Variants in DIP2B observed in about 807,000 individuals in gnomAD.
DIP2B encodes disco-interacting protein 2 homolog B.
DIP2B carries 76 observed loss-of-function variants against 198.0 expected under a neutral mutation model. The ratio of observed to expected loss-of-function variants is 0.38; its 90% CI spans 0.32 to 0.46. The LOEUF is 0.46. Among genes scored for constraint, DIP2B ranks in the 20% least tolerant of loss-of-function variants. The pLI is 0.99. For synonymous variants in DIP2B, 701 were observed against 739.1 expected, an observed-to-expected ratio of 0.95 and a Z score of 0.84; for missense variants, 1,559 against 1,978.4, an observed-to-expected ratio of 0.79 and a Z score of 4.02.
intron 1 of DIP2B, among the ~76,000 whole-genome samples, chr12:50,550,281 T>C (rs900153842): frequency 3.3e-5 from 5 of 152,190 alleles, no homozygotes; most frequent in Non-Finnish European, 5.9e-5. Context: ...ATTTTGAAAA[T>C]TGAAGCTTCC....
intron 37 of DIP2B, 98 bp from the exon 38 acceptor site, chr12:50,744,489 G>A: frequency 6.5e-7 from 1 of 1,530,652 alleles, no homozygotes; most frequent in Admixed American, 1.8e-5. Flanking sequence ...TGGGATTGAG[G>A]GGAGAAGGCG....
At chr12:50,699,604 T>C (rs948671082) in intron 19 of DIP2B, among the ~76,000 whole-genome samples, 1 of 151,790 alleles carries the variant, frequency 6.6e-6, no homozygotes, top group Non-Finnish European at 1.5e-5. Flanking sequence ...CCTTTGGAGG[T>C]TGAGGCGGAA....
intron 3 of DIP2B, among the ~76,000 whole-genome samples, chr12:50,652,969 G>T: frequency 6.6e-6 from 1 of 151,070 alleles, no homozygotes. Context: ...AAAGAAACGG[G>T]GTCTCCCTCT....
chr12:50,647,404 G>T (rs1406892712), intron 3 of DIP2B, among the ~76,000 whole-genome samples: 3 of 152,116 alleles, frequency 2.0e-5, no homozygotes, highest in African/African-American at 7.2e-5. Flanking sequence ...TAATTATTTG[G>T]ATATTCCAGG....
At chr12:50,603,950 C>T (rs1171644434) in intron 1 of DIP2B, among the ~76,000 whole-genome samples, 2 of 151,984 alleles carry the variant, frequency 1.3e-5, no homozygotes, top group African/African-American at 4.8e-5. Context: ...TGGCCTGGTT[C>T]CAGGCCTTGG....
intron 1 of DIP2B, among the ~76,000 whole-genome samples, chr12:50,557,683 T>C (rs1457677195): frequency 6.6e-6 from 1 of 152,218 alleles, no homozygotes; most frequent in Admixed American, 6.5e-5. Context: ...GTTACTGTTA[T>C]TGTGACTACA....
chr12:50,667,593 C>T (rs911214105), intron 4 of DIP2B, among the ~76,000 whole-genome samples: 8 of 152,080 alleles, frequency 5.3e-5, no homozygotes, highest in Non-Finnish European at 7.4e-5. Context: ...TAACTTTACC[C>T]GGATAGTTTC....
intron 35 of DIP2B, 61 bp from the exon 36 acceptor site, chr12:50,739,348 C>A: frequency 2.0e-6 from 3 of 1,532,336 alleles, no homozygotes; most frequent in Non-Finnish European, 1.8e-6. Context: ...TAACCTGATC[C>A]AAGAGAATTA....
At chr12:50,604,447 A>C (rs1383090374) in intron 1 of DIP2B, among the ~76,000 whole-genome samples, 1 of 152,014 alleles carries the variant, frequency 6.6e-6, no homozygotes, top group Non-Finnish European at 1.5e-5. Flanking sequence ...TCTTTTATTG[A>C]TTTATAACTT....
At chr12:50,520,060 A>G (rs1958102731) in intron 1 of DIP2B, among the ~76,000 whole-genome samples, 1 of 106,438 alleles carries the variant, frequency 9.4e-6, no homozygotes, top group East Asian at 2.6e-4. Flanking sequence ...TTTTTTTGAG[A>G]CAATGTCTTA....
chr12:50,693,951 G>A (rs1449822881), intron 14 of DIP2B, among the ~76,000 whole-genome samples: 1 of 152,040 alleles, frequency 6.6e-6, no homozygotes, highest in Non-Finnish European at 1.5e-5. Flanking sequence ...TTGGGGACAG[G>A]GTGTCTTGTG....
rs147655734 is a variant in DIP2B at position 50,740,693 on chromosome 12, A to G, written c.4355-723A>G. Reference sequence around the variant, plus strand: ...TTTTTCCAGAAATTACTGCAAAATAATCTTCCTTCCTTCTGTATCCTAGCT... The same window carrying G: ...TTTTTCCAGAAATTACTGCAAAATAGTCTTCCTTCCTTCTGTATCCTAGCT... On this transcript the variant is annotated intron_variant, in intron 36 of 37. Coordinates refer to ENST00000301180, the MANE Select transcript of DIP2B (RefSeq NM_173602.3). Among the ~76,000 whole-genome samples the G allele has an allele frequency of 1.5e-3, 228 of 152,304 alleles. 1 individual carries two copies. Among genetic ancestry groups the G allele is most frequent in the African/African-American group, 5.2e-3 (218 of 41,552 alleles).
intron 3 of DIP2B, among the ~76,000 whole-genome samples, chr12:50,651,146 C>T (rs188093878): frequency 2.0e-3 from 301 of 152,240 alleles, no homozygotes; most frequent in African/African-American, 7.0e-3. Flanking sequence ...GGAGAAATGT[C>T]TATTCAAGTT....
intron 5 of DIP2B, among the ~76,000 whole-genome samples, chr12:50,673,642 C>T (rs139752240): frequency 1.3e-5 from 2 of 152,140 alleles, no homozygotes; most frequent in Non-Finnish European, 2.9e-5. Flanking sequence ...CAAATATTAG[C>T]CTGATGTAGT....
At chr12:50,544,088 C>T (rs551270541) in intron 1 of DIP2B, among the ~76,000 whole-genome samples, 16 of 150,844 alleles carry the variant, frequency 1.1e-4, no homozygotes, top group Non-Finnish European at 1.8e-4. Context: ...ATTAGCCAGG[C>T]GTGGTGGTTC....
At chr12:50,621,885 C>G (rs1246060976) in intron 1 of DIP2B, among the ~76,000 whole-genome samples, 1 of 152,178 alleles carries the variant, frequency 6.6e-6, no homozygotes, top group Non-Finnish European at 1.5e-5. Flanking sequence ...TCTGATGGAG[C>G]TAATTGGCAT....
intron 3 of DIP2B, among the ~76,000 whole-genome samples, chr12:50,656,401 A>C (rs965050055): frequency 3.3e-5 from 5 of 152,212 alleles, no homozygotes; most frequent in Admixed American, 6.5e-5. Flanking sequence ...CTCAAAATTA[A>C]GGAACTGTGT....
rs113927035 is a variant in DIP2B at position 50,744,924 on chromosome 12, T to C, written c.*85T>C. On this transcript the variant is annotated 3_prime_UTR_variant, in exon 38 of 38. Transcript: ENST00000301180. ...GGCTAAGAGCAGGCTTCAAACGATG[T>C]GAAATAAGCTGAGATGGCTACATGA... 2.7e-6 allele frequency: 4 copies of C among 1,477,096 alleles called. No homozygotes were observed. The highest frequency in any genetic ancestry group is 1.4e-5 in the African/African-American group (1 of 71,816). 91.5% of individuals were successfully genotyped at this position (1,477,096 alleles called of 1,614,324 possible). A position where few individuals can be genotyped will look rare whatever the true frequency, so the allele number is the denominator to read the frequency against.
intron 1 of DIP2B, among the ~76,000 whole-genome samples, chr12:50,598,229 G>C (rs1446380586): frequency 6.6e-6 from 1 of 152,074 alleles, no homozygotes; most frequent in East Asian, 1.9e-4. Context: ...ACATAATTAA[G>C]GTAATAAGGA....
Sources: allele counts gnomAD v4.1 joint callset (sites outside exome capture counted in the v4.1 genomes callset), GRCh38; gene constraint gnomAD v4.1.1; transcripts MANE v1.5; gene names NCBI Gene and HGNC (gene_info 2026-07-23, HGNC 2026-07-21).